OPCML: variants seen among roughly 807,000 people sequenced by gnomAD.
OPCML encodes opioid-binding protein/cell adhesion molecule.
A neutral mutation model predicts 37.8 loss-of-function variants in OPCML; 13 were observed. The ratio of observed to expected loss-of-function variants is 0.34; its 90% CI spans 0.22 to 0.55. The LOEUF is 0.55. Ranked by LOEUF, OPCML falls within the 20% of genes least tolerant of loss-of-function variation. OPCML has a pLI of 0.91. For synonymous variants in OPCML, 176 were observed against 168.8 expected (o/e 1.04, Z -0.33); for missense variants, 341 against 435.6 (o/e 0.78, Z 1.93).
rs1423961938 is a variant in OPCML at position 132,818,816 on chromosome 11, T to C, written c.146+124110A>G. Reference sequence around the variant, plus strand: ...GGGGGAGGCATAGCATTAGGAGATATACCTAATGTTAAATGACAAGTTAAT... The same window carrying C: ...GGGGGAGGCATAGCATTAGGAGATACACCTAATGTTAAATGACAAGTTAAT... On this transcript the variant is annotated intron_variant, in intron 2 of 7. Transcript: ENST00000524381. 3.3e-5 allele frequency among the ~76,000 whole-genome samples: 5 copies of C among 149,988 alleles called. No homozygotes were observed. In the East Asian group the frequency reaches 9.7e-4, roughly 29 times the overall value.
chr11:133,252,326 A>ATCTT (rs757372988), intron 1 of OPCML, among the ~76,000 whole-genome samples: 5 of 152,210 alleles, frequency 3.3e-5, no homozygotes, highest in Non-Finnish European at 5.9e-5. Context: ...GTAAGGTATC[A>ATCTT]TCTTATTATA....
chr11:133,186,350 G>T (rs1387888068), intron 1 of OPCML, among the ~76,000 whole-genome samples: 1 of 152,152 alleles, frequency 6.6e-6, no homozygotes, highest in Admixed American at 6.6e-5. Context: ...GTCAGTCTGA[G>T]ATGCTTATTG....
At chr11:132,503,726 T>C (rs917563596) in intron 4 of OPCML, among the ~76,000 whole-genome samples, 16 of 152,122 alleles carry the variant, frequency 1.1e-4, no homozygotes, top group African/African-American at 3.6e-4. Flanking sequence ...CAAAGGATGC[T>C]AGTTATAATT....
intron 1 of OPCML, among the ~76,000 whole-genome samples, chr11:133,343,826 A>T (rs964933811): frequency 6.6e-6 from 1 of 152,186 alleles, no homozygotes; most frequent in Admixed American, 6.5e-5. Flanking sequence ...CATCTTCCCA[A>T]AATAGCCTAA....
chr11:133,071,021 GGAGA>G (rs1222568491), intron 1 of OPCML, among the ~76,000 whole-genome samples: 1 of 152,236 alleles, frequency 6.6e-6, no homozygotes, highest in Non-Finnish European at 1.5e-5. Context: ...AGGGAGCTTG[GGAGA>G]GAGAATGTGA....
At chr11:132,636,953 G>A (rs935135002) in intron 3 of OPCML, among the ~76,000 whole-genome samples, 1 of 152,166 alleles carries the variant, frequency 6.6e-6, no homozygotes, top group Admixed American at 6.5e-5. Context: ...GTAGAAAAAT[G>A]TATCTGCATT....
chr11:133,096,613 C>T (rs1201396665), intron 1 of OPCML, among the ~76,000 whole-genome samples: 1 of 151,846 alleles, frequency 6.6e-6, no homozygotes, highest in Non-Finnish European at 1.5e-5. Context: ...AAACAAAACT[C>T]AACTATATAT....
intron 1 of OPCML, among the ~76,000 whole-genome samples, chr11:133,424,122 A>G (rs1054225747): frequency 6.6e-6 from 1 of 152,322 alleles, no homozygotes; most frequent in East Asian, 1.9e-4. Flanking sequence ...GCCATTTCCT[A>G]TATTATAACC....
chr11:133,389,832 A>C (rs1435728349), intron 1 of OPCML, among the ~76,000 whole-genome samples: 1 of 152,214 alleles, frequency 6.6e-6, no homozygotes, highest in Non-Finnish European at 1.5e-5. Context: ...GCACATGGGT[A>C]AATATACAAT....
chr11:133,041,989 G>A (rs1044827859), intron 1 of OPCML, among the ~76,000 whole-genome samples: 3 of 152,114 alleles, frequency 2.0e-5, no homozygotes, highest in Non-Finnish European at 2.9e-5. Context: ...GTTGGCAAAC[G>A]ACCTTTCCAT....
chr11:133,320,646 T>C (rs1224007821), intron 1 of OPCML, among the ~76,000 whole-genome samples: 1 of 152,250 alleles, frequency 6.6e-6, no homozygotes, highest in Non-Finnish European at 1.5e-5. Context: ...TTTTAAAGTA[T>C]GCATTTTATA....
intron 1 of OPCML, among the ~76,000 whole-genome samples, chr11:133,229,597 CA>C (rs551208778): frequency 1.3e-5 from 2 of 150,854 alleles, no homozygotes; most frequent in African/African-American, 4.9e-5. Flanking sequence ...AATAGGAAGA[CA>C]AAAAAAATTG....
chr11:132,987,655 G>C (rs1373437574), intron 1 of OPCML, among the ~76,000 whole-genome samples: 4 of 152,170 alleles, frequency 2.6e-5, no homozygotes. Context: ...AGACCAGGAT[G>C]GTGCTAGAGC....
intron 4 of OPCML, among the ~76,000 whole-genome samples, chr11:132,517,706 T>C (rs986069785): frequency 1.3e-5 from 2 of 152,210 alleles, no homozygotes; most frequent in Non-Finnish European, 2.9e-5. Flanking sequence ...CAGGCAGCAA[T>C]GGGTGCCTTT....
chr11:133,076,005 T>C (rs1948615617), intron 1 of OPCML, among the ~76,000 whole-genome samples: 1 of 152,208 alleles, frequency 6.6e-6, no homozygotes, highest in South Asian at 2.1e-4. Context: ...AGTCTCTCCC[T>C]CTCCCATGTA....
chr11:132,956,696 A>G (rs997525552), intron 1 of OPCML, among the ~76,000 whole-genome samples: 1 of 152,132 alleles, frequency 6.6e-6, no homozygotes. Context: ...CTTTTCGTCC[A>G]CTAATGCCCC....
chr11:132,910,995 T>G (rs1674421812), intron 2 of OPCML, among the ~76,000 whole-genome samples: 1 of 152,208 alleles, frequency 6.6e-6, no homozygotes, highest in Admixed American at 6.5e-5. Flanking sequence ...AAATCTCTAA[T>G]TTATAAGATG....
chr11:132,828,612 A>G lies in OPCML; in HGVS notation c.146+114314T>C, dbSNP rs116717263. ...ATGAACCAGAAAACAAAATTATCCT[A>G]TTGTTCACCAACAGAAAAAAAAAGT... On this transcript the variant is annotated intron_variant, in intron 2 of 7. Transcript: ENST00000524381. Among the ~76,000 whole-genome samples the G allele has an allele frequency of 7.1e-3, 1,068 of 150,318 alleles. 13 individuals carry two copies. The highest frequency in any genetic ancestry group is 0.024 in the African/African-American group (982 of 41,376).
At chr11:132,913,398 T>C (rs1001206461) in intron 2 of OPCML, among the ~76,000 whole-genome samples, 17 of 152,210 alleles carry the variant, frequency 1.1e-4, no homozygotes, top group African/African-American at 4.1e-4. Context: ...TAGTAAACAT[T>C]GGTAAAATTT....
Sources: allele counts gnomAD v4.1 joint callset (sites outside exome capture counted in the v4.1 genomes callset), GRCh38; gene constraint gnomAD v4.1.1; transcripts MANE v1.5; gene names NCBI Gene and HGNC (gene_info 2026-07-23, HGNC 2026-07-21).